FTO: variants seen among roughly 807,000 people sequenced by gnomAD.
FTO encodes FTO alpha-ketoglutarate dependent dioxygenase.
In FTO, 47 loss-of-function variants were observed where a neutral mutation model predicts 63.9. The ratio of observed to expected loss-of-function variants is 0.74; its 90% CI spans 0.58 to 0.94. The LOEUF (loss-of-function observed/expected upper bound fraction) is 0.94, where lower values mean the gene tolerates loss of function less well. Ranked by LOEUF, FTO falls within the 40% of genes least tolerant of loss-of-function variation. The pLI is 0.00. For missense variants in FTO, 562 were observed against 618.1 expected, an observed-to-expected ratio of 0.91 and a Z score of 0.96; for synonymous variants, 207 against 224.4, an observed-to-expected ratio of 0.92 and a Z score of 0.69.
At chr16:54,003,955 C>A (rs114409808) in intron 8 of FTO, among the ~76,000 whole-genome samples, 15 of 152,098 alleles carry the variant, frequency 9.9e-5, no homozygotes, top group African/African-American at 3.6e-4. Flanking sequence ...TCCTTTTAGT[C>A]CCTCAATTTT....
At chr16:53,909,869 C>A (rs2081642683) in intron 7 of FTO, among the ~76,000 whole-genome samples, 1 of 151,750 alleles carries the variant, frequency 6.6e-6, no homozygotes, top group African/African-American at 2.4e-5. Flanking sequence ...CAGCTGAGAG[C>A]CTCTTTTTTT....
chr16:53,935,135 T>A, intron 8 of FTO, among the ~76,000 whole-genome samples: 1 of 152,204 alleles, frequency 6.6e-6, no homozygotes, highest in East Asian at 1.9e-4. Flanking sequence ...AATTATTGAA[T>A]TGTCATCCGT....
intron 7 of FTO, 55 bp downstream of exon 7, chr16:53,889,006 C>T (rs1299329455): frequency 1.3e-6 from 2 of 1,579,184 alleles, no homozygotes; most frequent in East Asian, 4.5e-5. Context: ...TATACAAATC[C>T]TCCACTGCCT....
At chr16:53,839,811 ATTTATTTAT>A (rs2079418471) in intron 3 of FTO, among the ~76,000 whole-genome samples, 1 of 42,100 alleles carries the variant, frequency 2.4e-5, no homozygotes, top group African/African-American at 1.3e-4. Flanking sequence ...TTATTTATTT[ATTTATTTAT>A]TTTAAGGTGC....
At chr16:53,943,911 C>T (rs1007127524) in intron 8 of FTO, among the ~76,000 whole-genome samples, 7 of 152,170 alleles carry the variant, frequency 4.6e-5, no homozygotes, top group Non-Finnish European at 7.3e-5. Context: ...CCGTGGTTCC[C>T]ATTTACTTTT....
chr16:54,099,163 G>C (rs2086580576), intron 8 of FTO, among the ~76,000 whole-genome samples: 2 of 152,152 alleles, frequency 1.3e-5, no homozygotes, highest in Middle Eastern at 3.2e-3. Context: ...TTTTGTTCCA[G>C]TAATTGCATC....
At chr16:53,951,819 T>G (rs1039254168) in intron 8 of FTO, among the ~76,000 whole-genome samples, 1 of 152,154 alleles carries the variant, frequency 6.6e-6, no homozygotes. Flanking sequence ...ATCTTGTTTT[T>G]TTTTTTAAGT....
At chr16:54,019,359 T>C (rs1199803563) in intron 8 of FTO, among the ~76,000 whole-genome samples, 2 of 152,194 alleles carry the variant, frequency 1.3e-5, no homozygotes. Flanking sequence ...AAGGTGGGAA[T>C]GGTTGTTGAG....
At chr16:53,943,324 G>A (rs1383603173) in intron 8 of FTO, among the ~76,000 whole-genome samples, 1 of 152,126 alleles carries the variant, frequency 6.6e-6, no homozygotes, top group Non-Finnish European at 1.5e-5. Context: ...GTTTTATGGG[G>A]GACAAAAGCC....
At chr16:53,885,008 G>A (rs1473547119) in intron 6 of FTO, among the ~76,000 whole-genome samples, 1 of 152,176 alleles carries the variant, frequency 6.6e-6, no homozygotes, top group Non-Finnish European at 1.5e-5. Flanking sequence ...TCCTTTGGCG[G>A]CCTACAACTC....
chr16:54,019,529 G>T (rs2084538152), intron 8 of FTO, among the ~76,000 whole-genome samples: 1 of 152,102 alleles, frequency 6.6e-6, no homozygotes, highest in African/African-American at 2.4e-5. Context: ...AATGTGGAAG[G>T]TCCTCCCAGG....
chr16:53,929,496 A>G (rs1195350842), intron 7 of FTO, among the ~76,000 whole-genome samples: 2 of 152,252 alleles, frequency 1.3e-5, no homozygotes, highest in East Asian at 1.9e-4. Flanking sequence ...GAAAGTTGCC[A>G]TAAACATTTG....
intron 1 of FTO, among the ~76,000 whole-genome samples, chr16:53,791,025 G>T (rs1246347942): frequency 6.6e-6 from 1 of 152,192 alleles, no homozygotes; most frequent in Non-Finnish European, 1.5e-5. Context: ...GAAGGGAAAT[G>T]AGGATTTTGA....
chr16:53,953,203 T>G (rs1317356865), intron 8 of FTO, among the ~76,000 whole-genome samples: 2 of 152,222 alleles, frequency 1.3e-5, no homozygotes, highest in Non-Finnish European at 1.5e-5. Context: ...ACCATTGTAG[T>G]CTACAACCAT....
At chr16:53,863,951 A>G (rs998887501) in intron 4 of FTO, among the ~76,000 whole-genome samples, 1 of 152,210 alleles carries the variant, frequency 6.6e-6, no homozygotes, top group African/African-American at 2.4e-5. Flanking sequence ...TCTCTAATAT[A>G]TAGTGCCAAA....
At chr16:53,826,904 G>T (rs142029096) in intron 3 of FTO, among the ~76,000 whole-genome samples, 19 of 152,226 alleles carry the variant, frequency 1.2e-4, no homozygotes, top group African/African-American at 4.1e-4. Flanking sequence ...AATCTTTCCA[G>T]GTTCCCACAG....
chr16:53,916,559 T>A (rs1360191990), intron 7 of FTO, among the ~76,000 whole-genome samples: 1 of 152,214 alleles, frequency 6.6e-6, no homozygotes, highest in Non-Finnish European at 1.5e-5. Context: ...GAACATTGGG[T>A]ATTCTTTCCT....
At chr16:54,036,465 G>A (rs1192271432) in intron 8 of FTO, among the ~76,000 whole-genome samples, 8 of 152,196 alleles carry the variant, frequency 5.3e-5, no homozygotes, top group Non-Finnish European at 8.8e-5. Context: ...CATAAAGATA[G>A]ACTGCAGGGT....
intron 8 of FTO, among the ~76,000 whole-genome samples, chr16:53,969,020 C>T (rs1441993926): frequency 6.6e-6 from 1 of 152,152 alleles, no homozygotes; most frequent in Non-Finnish European, 1.5e-5. Flanking sequence ...ATTTACCTGA[C>T]CCTTCTTCAA....
Sources: allele counts gnomAD v4.1 joint callset (sites outside exome capture counted in the v4.1 genomes callset), GRCh38; gene constraint gnomAD v4.1.1; transcripts MANE v1.5; gene names NCBI Gene and HGNC (gene_info 2026-07-23, HGNC 2026-07-21).